Variants in ANKAR observed in about 807,000 individuals in gnomAD.
ANKAR encodes the protein ankyrin and armadillo repeat-containing protein.
ANKAR carries 136 observed loss-of-function variants against 146.2 expected under a neutral mutation model. That is an observed-to-expected ratio of 0.93 (90% CI 0.81 to 1.07). ANKAR has a LOEUF of 1.07. Ranked by LOEUF, ANKAR falls within the 50% of genes least tolerant of loss-of-function variation. ANKAR has a pLI of 0.00. For synonymous variants in ANKAR, 500 were observed against 575.8 expected, an observed-to-expected ratio of 0.87 and a Z score of 1.88; for missense variants, 1,567 against 1,679.9, an observed-to-expected ratio of 0.93 and a Z score of 1.18.
Position 189,744,805 on chromosome 2 carries a change from T to G in ANKAR, c.4057+17T>G, listed in dbSNP as rs757042822. The G allele has an allele frequency of 3.4e-5, 53 of 1,553,120 alleles. No homozygotes were observed. Among genetic ancestry groups the G allele is most frequent in the Admixed American group, 6.7e-5 (4 of 59,292 alleles). ...TTAAAAGAGGTAATTGATTTTTCTT[T>G]TATCTATGAAGTACCTTCTAGCCCA... is the stretch of plus-strand genomic sequence containing the variant. On this transcript the variant is annotated intron_variant, in intron 22 of 22. Coordinates refer to ENST00000684021, the MANE Select transcript of ANKAR (RefSeq NM_001378068.1).
At chr2:189,693,281 T>A in intron 5 of ANKAR, 104 bp downstream of exon 5, 2 of 700,902 alleles carry the variant, frequency 2.9e-6, no homozygotes, top group East Asian at 2.8e-5. Flanking sequence ...ACCTTTACAA[T>A]GGCGATTCCA....
rs746822255 is a variant in ANKAR, at chr2:189,693,118, A to G, written c.1248A>G (p.Ile416Met). 17 of 1,559,992 alleles carry G rather than the reference A, an allele frequency of 1.1e-5. No individual in the cohort carries two copies. The highest frequency in any genetic ancestry group is 1.5e-5 in the Non-Finnish European group (17 of 1,151,742). The change falls in exon 5 of 23, where the codon ATA (isoleucine) becomes ATG (methionine). Residue 416 changes from isoleucine to methionine, a missense_variant. By Grantham distance (10) the Ile-to-Met change is conservative. Coordinates refer to ENST00000684021, the MANE Select transcript of ANKAR (RefSeq NM_001378068.1). Reference protein sequence around the residue: ...KIRDCAANTFIEDSGYKEYYS... With the variant: ...KIRDCAANTFMEDSGYKEYYS... ...GAGATTGTGCTGCTAATACATTTAT[A>G]GAAGATTCAGGATATAAAGAATATT...
At chr2:189,754,230 G>A in intron 18 of ANKAR, 2 of 1,613,828 alleles carry the variant, frequency 1.2e-6, no homozygotes, top group Non-Finnish European at 1.7e-6. Context: ...ATGATGCAAG[G>A]GAGGTTTGAT....
At chr2:189,748,942 C>T (rs2044613469), downstream of ANKAR, among the ~76,000 whole-genome samples, 1 of 152,062 alleles carries the variant, frequency 6.6e-6, no homozygotes, top group Non-Finnish European at 1.5e-5. Context: ...CTATAAATCT[C>T]CCCTATAAAG....
intron 18 of ANKAR, among the ~76,000 whole-genome samples, chr2:189,752,103 C>T (rs1386590907): frequency 6.6e-6 from 1 of 151,650 alleles, no homozygotes; most frequent in Non-Finnish European, 1.5e-5. Context: ...GAGAATGCGC[C>T]ACTGCACTCT....
chr2:189,700,932 A>G (rs1237443962), intron 7 of ANKAR, among the ~76,000 whole-genome samples: 1 of 152,062 alleles, frequency 6.6e-6, no homozygotes, highest in African/African-American at 2.4e-5. Flanking sequence ...TTCTCTATCC[A>G]CTCATCTATT....
At chr2:189,680,462 T>G (rs1299389990) in intron 2 of ANKAR, among the ~76,000 whole-genome samples, 1 of 152,078 alleles carries the variant, frequency 6.6e-6, no homozygotes, top group African/African-American at 2.4e-5. Context: ...TCTTTGTTAT[T>G]TCTTTTCTTC....
At chr2:189,676,232 G>T (rs537704128) in intron 1 of ANKAR, among the ~76,000 whole-genome samples, 1 of 152,130 alleles carries the variant, frequency 6.6e-6, no homozygotes, top group African/African-American at 2.4e-5. Context: ...TGAATTCTTT[G>T]AAAAGCAGAA....
chr2:189,703,399 G>C (rs2038370577), intron 7 of ANKAR, among the ~76,000 whole-genome samples: 1 of 152,126 alleles, frequency 6.6e-6, no homozygotes, highest in Admixed American at 6.6e-5. Context: ...AAATAAGAGG[G>C]AGGTGCCAAA....
At chr2:189,750,228 A>G (rs148176267), downstream of ANKAR, among the ~76,000 whole-genome samples, 93 of 152,290 alleles carry the variant, frequency 6.1e-4, no homozygotes, top group Non-Finnish European at 1.1e-3. Flanking sequence ...TCCTGATTTG[A>G]GGAAGTGGGG....
chr2:189,707,398 T>A (rs1434383145), intron 9 of ANKAR, among the ~76,000 whole-genome samples: 1 of 145,374 alleles, frequency 6.9e-6, no homozygotes, highest in African/African-American at 2.5e-5. Context: ...TACACAATTA[T>A]ATTTATTTTT....
intron 14 of ANKAR, 98 bp downstream of exon 14, chr2:189,728,518 G>A: frequency 6.8e-7 from 1 of 1,462,394 alleles, no homozygotes; most frequent in South Asian, 1.4e-5. Flanking sequence ...GCTCACTGCA[G>A]CCTCAAACCC....
intron 12 of ANKAR, among the ~76,000 whole-genome samples, chr2:189,723,013 A>AT (rs1353943799): frequency 6.6e-6 from 1 of 152,050 alleles, no homozygotes. Context: ...AATTTTAATT[A>AT]TTTTTTCCTT....
Position 189,743,390 on chromosome 2 carries a change from A to G in ANKAR, c.3926A>G (p.Asn1309Ser), listed in dbSNP as rs563514854. 6.2e-7 allele frequency: 1 copy of G among 1,614,024 alleles called. No homozygotes were observed. The highest frequency in any genetic ancestry group is 8.5e-7 in the Non-Finnish European group (1 of 1,179,960). ...AATCAGTTCATTCGTATAAAAAATA[A>G]TATCAGCAGAGATGCAAGTATTAAC... Reference protein sequence around the residue: ...KPNQFIRIKNNISRDASINPA... With the variant: ...KPNQFIRIKNSISRDASINPA... Residue 1309 changes from asparagine to serine, a missense_variant, in exon 21 of 23, where the codon AAT (asparagine) becomes AGT (serine). Coordinates refer to ENST00000684021, the MANE Select transcript of ANKAR (RefSeq NM_001378068.1).
intron 7 of ANKAR, among the ~76,000 whole-genome samples, chr2:189,704,244 C>T (rs1355669643): frequency 2.6e-5 from 4 of 151,332 alleles, no homozygotes; most frequent in South Asian, 2.1e-4. Flanking sequence ...CAGGCTCAAG[C>T]GATTCTCCTG....
intron 10 of ANKAR, 23 bp downstream of exon 10, chr2:189,711,176 CT>C: frequency 6.5e-7 from 1 of 1,534,754 alleles, no homozygotes; most frequent in Non-Finnish European, 9.0e-7. Flanking sequence ...CTATTAATAA[CT>C]TTTTATGCTA....
chr2:189,728,756 G>T lies in ANKAR; in HGVS notation c.3128G>T (p.Arg1043Ile), dbSNP rs372369306. 1.2e-6 allele frequency: 2 copies of T among 1,613,964 alleles called. No homozygotes were observed. Among genetic ancestry groups the T allele is most frequent in the South Asian group, 1.1e-5 (1 of 91,086 alleles). The change falls in exon 15 of 23, where the codon AGA (arginine) becomes ATA (isoleucine). Residue 1043 changes from arginine (R) to isoleucine (I), a missense_variant. By Grantham distance (97) the Arg-to-Ile change is moderately conservative (BLOSUM62 -3). Transcript: ENST00000684021. ...NGIAPLVRLL[R>I]ISTIAEGTLL... ...ATTGCACCATTGGTTCGCTTACTAA[G>T]AATTAGTACGATTGCTGAAGGCACA...
chr2:189,732,047 A>T (rs1419336339), intron 16 of ANKAR, among the ~76,000 whole-genome samples: 1 of 152,196 alleles, frequency 6.6e-6, no homozygotes, highest in Non-Finnish European at 1.5e-5. Context: ...GTATCCATCT[A>T]TATTTCAGTA....
At chr2:189,680,119 T>C (rs1308845364) in intron 2 of ANKAR, among the ~76,000 whole-genome samples, 1 of 152,154 alleles carries the variant, frequency 6.6e-6, no homozygotes, top group Admixed American at 6.5e-5. Context: ...TTTCAAGCTC[T>C]CTACTTGTTA....
Sources: gnomAD v4.1 joint callset for allele counts (sites outside exome capture counted in the v4.1 genomes callset) on GRCh38, gnomAD v4.1.1 for gene constraint, MANE v1.5 for transcripts, NCBI Gene and HGNC (gene_info 2026-07-23, HGNC 2026-07-21) for gene names.